EPB41: variants seen among roughly 807,000 people sequenced by gnomAD.
The protein encoded by EPB41 is erythrocyte membrane protein band 4.1.
EPB41 carries 65 observed loss-of-function variants against 108.0 expected under a neutral mutation model. The observed-to-expected ratio is 0.60, with a 90% CI of 0.49 to 0.74. The LOEUF is 0.74. Among genes scored for constraint, EPB41 ranks in the 30% least tolerant of loss-of-function variants. The probability of loss-of-function intolerance (pLI) is 0.00; values close to 1 mark genes in which losing one functional copy is unlikely to be tolerated. For missense variants in EPB41, 875 were observed against 1,037.0 expected (o/e 0.84, Z 2.15); for synonymous variants, 336 against 358.9 (o/e 0.94, Z 0.72).
intron 17 of EPB41, among the ~76,000 whole-genome samples, chr1:29,103,039 C>G (rs922874420): frequency 6.6e-6 from 1 of 152,134 alleles, no homozygotes; most frequent in Non-Finnish European, 1.5e-5. Context: ...TCCCAAAGTG[C>G]TGGGATTACA....
At chr1:28,903,402 G>T (rs562240437) in intron 1 of EPB41, among the ~76,000 whole-genome samples, 64 of 148,046 alleles carry the variant, frequency 4.3e-4, no homozygotes, top group Non-Finnish European at 6.2e-4. Context: ...TCAGCTCACT[G>T]CAACCTCCGC....
rs12120422 is a variant in EPB41, at chr1:29,118,715, T to C, written c.*1903T>C. On this transcript the variant is annotated 3_prime_UTR_variant, in exon 21 of 21. Transcript: ENST00000343067. Reference sequence around the variant, plus strand: ...ACAGGAGGGAGGGAAAGAGCCCAGGTGGGACGTGGGACAGGCTTAGGGGAA... The same window carrying C: ...ACAGGAGGGAGGGAAAGAGCCCAGGCGGGACGTGGGACAGGCTTAGGGGAA... The C allele has an allele frequency of 0.12, 17,578 of 151,866 alleles. 1,403 individuals are homozygous for C. The highest frequency in any genetic ancestry group is 0.17 in the Non-Finnish European group (11,856 of 67,972). The allele number at this position is 151,866 out of a possible 1,614,324, so 9.4% of individuals were successfully genotyped here.
intron 1 of EPB41, among the ~76,000 whole-genome samples, chr1:28,928,292 T>C (rs1376280086): frequency 6.6e-6 from 1 of 152,076 alleles, no homozygotes. Context: ...CAGATTTCTC[T>C]AAATACAGAG....
chr1:28,912,046 C>CA (rs372188092), upstream of EPB41, among the ~76,000 whole-genome samples: 21 of 150,714 alleles, frequency 1.4e-4, no homozygotes, highest in East Asian at 1.4e-3. Flanking sequence ...AACCCCTTCT[C>CA]AAAAAAAAAC....
chr1:29,009,417 T>C (rs1359930046), intron 4 of EPB41, among the ~76,000 whole-genome samples: 2 of 152,212 alleles, frequency 1.3e-5, no homozygotes, highest in African/African-American at 4.8e-5. Context: ...GCCTTCCCTA[T>C]GTCAAGTTAG....
chr1:29,039,444 A>G lies in EPB41; in HGVS notation c.1636+18A>G. On this transcript the variant is annotated intron_variant, in intron 11 of 20. Transcript: ENST00000343067. The stretch of plus-strand genomic sequence containing the variant: ...CGATGGAGGTTTGTATTGAATATTA[A>G]TGATTTCTTGTGATCATAATTCATT... 2 of 1,613,180 alleles carry G rather than the reference A, an allele frequency of 1.2e-6. No homozygotes were observed. Among genetic ancestry groups the G allele is most frequent in the South Asian group, 1.1e-5 (1 of 91,040 alleles).
intron 7 of EPB41, among the ~76,000 whole-genome samples, chr1:29,023,090 G>A (rs2096667245): frequency 6.6e-6 from 1 of 151,674 alleles, no homozygotes; most frequent in African/African-American, 2.4e-5. Context: ...CGCCTGCTTG[G>A]TTCAAGTGAT....
At chr1:28,961,985 T>C (rs1026065042) in intron 1 of EPB41, among the ~76,000 whole-genome samples, 4 of 152,182 alleles carry the variant, frequency 2.6e-5, no homozygotes, top group African/African-American at 4.8e-5. Context: ...TTTGCTCTTA[T>C]TCCTAAATTG....
intron 1 of EPB41, among the ~76,000 whole-genome samples, chr1:28,972,172 C>T (rs2095510758): frequency 6.6e-6 from 1 of 152,164 alleles, no homozygotes; most frequent in Admixed American, 6.5e-5. Flanking sequence ...AAGTGATCTG[C>T]CTGCTTAGGC....
intron 8 of EPB41, among the ~76,000 whole-genome samples, chr1:29,032,459 C>T (rs1446368946): frequency 2.0e-5 from 3 of 152,084 alleles, no homozygotes; most frequent in African/African-American, 4.8e-5. Context: ...TGTTATAACA[C>T]GTGTAGGCAC....
intron 16 of EPB41, among the ~76,000 whole-genome samples, chr1:29,074,877 G>A (rs1191100754): frequency 6.6e-6 from 1 of 152,206 alleles, no homozygotes. Flanking sequence ...TCTTTTGTGT[G>A]TCCAGGCGCG....
At chr1:29,044,424 T>C (rs1642544377) in intron 11 of EPB41, among the ~76,000 whole-genome samples, 1 of 152,234 alleles carries the variant, frequency 6.6e-6, no homozygotes, top group African/African-American at 2.4e-5. Context: ...TTGAACAAGT[T>C]AGAAAGCTTT....
chr1:28,948,217 A>G (rs1324615828), intron 1 of EPB41, among the ~76,000 whole-genome samples: 3 of 152,190 alleles, frequency 2.0e-5, no homozygotes, highest in Non-Finnish European at 4.4e-5. Flanking sequence ...AGAATGGATT[A>G]TTGAAAGTGA....
At chr1:28,987,187 G>A (rs958432921) in intron 1 of EPB41, among the ~76,000 whole-genome samples, 1 of 152,086 alleles carries the variant, frequency 6.6e-6, no homozygotes, top group Admixed American at 6.6e-5. Context: ...GCCTCCGTGG[G>A]TACTATTTTA....
chr1:29,051,399 A>G (rs2150718882), intron 11 of EPB41, among the ~76,000 whole-genome samples: 1 of 151,862 alleles, frequency 6.6e-6, no homozygotes, highest in South Asian at 2.1e-4. Context: ...GTGCCTGGCC[A>G]AGCATTTCTT....
intron 1 of EPB41, among the ~76,000 whole-genome samples, chr1:28,917,798 C>G (rs1007774476): frequency 4.0e-5 from 6 of 150,990 alleles, no homozygotes; most frequent in African/African-American, 1.5e-4. Flanking sequence ...CCAGGCTGGT[C>G]TCAAACTGCT....
At chr1:29,013,461 A>G (rs1484260713) in intron 5 of EPB41, among the ~76,000 whole-genome samples, 1 of 152,220 alleles carries the variant, frequency 6.6e-6, no homozygotes, top group African/African-American at 2.4e-5. Context: ...TTTTAAGCCA[A>G]AGAGAAGAAT....
At chr1:29,076,944 C>G (rs970552442) in intron 16 of EPB41, among the ~76,000 whole-genome samples, 1 of 152,100 alleles carries the variant, frequency 6.6e-6, no homozygotes. Flanking sequence ...TTGATTTTGC[C>G]AATCTATAAC....
Position 28,993,407 on chromosome 1 carries a change from A to G in EPB41, c.546A>G (p.Ile182Met). The part of the protein sequence containing the change: ...EGEGLEECSK[I>M]EVKEESPQSK... ...AAGGACTTGAAGAGTGCTCCAAAAT[A>G]GAAGTAAAAGAAGAAAGCCCTCAAT... The change falls in exon 3 of 21, where the codon ATA (isoleucine) becomes ATG (methionine). Residue 182 changes from isoleucine (I) to methionine (M), a missense_variant. By Grantham distance (10) the Ile-to-Met change is conservative. Coordinates refer to ENST00000343067, the MANE Select transcript of EPB41 (RefSeq NM_001376013.1). 1.2e-6 allele frequency: 2 copies of G among 1,614,032 alleles called. No individual in the cohort carries two copies. Among genetic ancestry groups the G allele is most frequent in the Non-Finnish European group, 1.7e-6 (2 of 1,180,002 alleles).
Sources: gnomAD v4.1 joint callset for allele counts (sites outside exome capture counted in the v4.1 genomes callset) on GRCh38, gnomAD v4.1.1 for gene constraint, MANE v1.5 for transcripts, NCBI Gene and HGNC (gene_info 2026-07-23, HGNC 2026-07-21) for gene names.